Variants in TIAM1 observed in about 807,000 individuals in gnomAD.
TIAM1 encodes TIAM Rac1 associated GEF 1, also known as rho guanine nucleotide exchange factor TIAM1.
In TIAM1, 65 loss-of-function variants were observed where a neutral mutation model predicts 163.5. The ratio of observed to expected loss-of-function variants is 0.40; its 90% CI spans 0.33 to 0.49. The LOEUF (loss-of-function observed/expected upper bound fraction) is 0.49, where lower values mean the gene tolerates loss of function less well. TIAM1 is among the 20% of genes least tolerant of loss of function. The probability of loss-of-function intolerance (pLI) is 0.77; values close to 1 mark genes in which losing one functional copy is unlikely to be tolerated. For missense variants in TIAM1, 1,789 were observed against 2,044.7 expected (o/e 0.87, Z 2.41); for synonymous variants, 833 against 810.1 (o/e 1.03, Z -0.48).
rs1569033606 is a variant in TIAM1 at position 31,210,706 on chromosome 21, AG to A, written c.2218-492del. On this transcript the variant is annotated intron_variant, in intron 10 of 27. Coordinates refer to ENST00000541036, the MANE Select transcript of TIAM1 (RefSeq NM_001353694.2). ...AAGAAAAAGAAAGAAAGAAAGAAAG[AG>A]AAAGAAAGAGAAAGAAAGAAAGAGA... 9.9e-4 allele frequency among the ~76,000 whole-genome samples: 112 copies of A among 113,246 alleles called. 12 individuals are homozygous for A. The highest frequency in any genetic ancestry group is 6.5e-3 in the African/African-American group (104 of 16,036). The allele number at this position is 113,246 out of a possible 152,430, so 74.3% of individuals were successfully genotyped here.
chr21:31,281,618 C>A (rs932557598), intron 2 of TIAM1, among the ~76,000 whole-genome samples: 2 of 151,994 alleles, frequency 1.3e-5, no homozygotes, highest in African/African-American at 4.8e-5. Flanking sequence ...ATACTTAGAC[C>A]CCAAATCAGT....
intron 2 of TIAM1, among the ~76,000 whole-genome samples, chr21:31,311,261 T>C (rs2074919988): frequency 6.6e-6 from 1 of 152,156 alleles, no homozygotes; most frequent in African/African-American, 2.4e-5. Flanking sequence ...CAGGAGGGCC[T>C]GGATTGGGCT....
At chr21:31,172,192 A>C (rs1163863674) in intron 15 of TIAM1, among the ~76,000 whole-genome samples, 3 of 152,208 alleles carry the variant, frequency 2.0e-5, no homozygotes, top group African/African-American at 7.2e-5. Flanking sequence ...CCAGCATGGC[A>C]GGAAGAGGGA....
At chr21:31,507,507 A>C (rs1040712649) in intron 1 of TIAM1, among the ~76,000 whole-genome samples, 1 of 151,990 alleles carries the variant, frequency 6.6e-6, no homozygotes. Context: ...AAAAGGGACC[A>C]TGTCTGGTCC....
intron 2 of TIAM1, among the ~76,000 whole-genome samples, chr21:31,461,266 T>C (rs1378453857): frequency 6.6e-6 from 1 of 152,066 alleles, no homozygotes; most frequent in African/African-American, 2.4e-5. Flanking sequence ...GGCAGATCAC[T>C]GGAGGTCAGG....
intron 12 of TIAM1, among the ~76,000 whole-genome samples, chr21:31,202,489 C>T (rs1288709288): frequency 2.0e-5 from 3 of 152,066 alleles, no homozygotes; most frequent in Admixed American, 6.5e-5. Context: ...CCACTTAAGC[C>T]CAGTAGTTCA....
chr21:31,179,334 C>T (rs2084908165), intron 15 of TIAM1, among the ~76,000 whole-genome samples: 1 of 151,706 alleles, frequency 6.6e-6, no homozygotes. Flanking sequence ...TTGCAGTGAG[C>T]CAAGATGGCG....
chr21:31,371,963 C>T (rs750657810), intron 2 of TIAM1, among the ~76,000 whole-genome samples: 13 of 152,144 alleles, frequency 8.5e-5, no homozygotes, highest in Non-Finnish European at 1.5e-4. Context: ...AGTGAACTCA[C>T]CCAGTTAACA....
intron 13 of TIAM1, among the ~76,000 whole-genome samples, chr21:31,191,135 T>G (rs369864811): frequency 6.6e-6 from 1 of 152,082 alleles, no homozygotes; most frequent in East Asian, 1.9e-4. Flanking sequence ...TTAACTGAGC[T>G]TATTAGCCAT....
At chr21:31,193,505 T>G (rs1170617239) in intron 13 of TIAM1, among the ~76,000 whole-genome samples, 1 of 152,170 alleles carries the variant, frequency 6.6e-6, no homozygotes, top group Non-Finnish European at 1.5e-5. Context: ...GCAGGAGTTA[T>G]CCTCATTCTA....
chr21:31,528,719 T>C (rs1419770184), intron 1 of TIAM1, among the ~76,000 whole-genome samples: 1 of 150,258 alleles, frequency 6.7e-6, no homozygotes, highest in Non-Finnish European at 1.5e-5. Context: ...GCAGGAGAAT[T>C]GCTTGAACCC....
intron 2 of TIAM1, among the ~76,000 whole-genome samples, chr21:31,317,774 T>G (rs1199845082): frequency 1.3e-5 from 2 of 152,056 alleles, no homozygotes; most frequent in East Asian, 3.9e-4. Context: ...AGTGAGACTC[T>G]GCCTCAAAAA....
chr21:31,189,668 G>T (rs1482206911), intron 13 of TIAM1, among the ~76,000 whole-genome samples: 2 of 151,990 alleles, frequency 1.3e-5, no homozygotes, highest in Non-Finnish European at 2.9e-5. Flanking sequence ...GGTCAAACAG[G>T]AGCCCCTTTC....
chr21:31,374,418 C>T (rs1192445102), intron 2 of TIAM1, among the ~76,000 whole-genome samples: 3 of 152,302 alleles, frequency 2.0e-5, no homozygotes, highest in Middle Eastern at 3.4e-3. Flanking sequence ...CCTACATATA[C>T]GGAATATTCT....
At chr21:31,304,287 T>C (rs2074612697) in intron 2 of TIAM1, among the ~76,000 whole-genome samples, 1 of 152,150 alleles carries the variant, frequency 6.6e-6, no homozygotes, top group African/African-American at 2.4e-5. Context: ...AAATAATGTG[T>C]AGCTAGAGGG....
chr21:31,187,126 C>A (rs927474895), intron 13 of TIAM1, 39 bp from the exon 14 acceptor site: 1 of 1,586,676 alleles, frequency 6.3e-7, no homozygotes, highest in Non-Finnish European at 8.7e-7. Context: ...GGGCTCACAC[C>A]TTCTGAATGT....
chr21:31,433,649 C>T (rs1281687029), intron 2 of TIAM1, among the ~76,000 whole-genome samples: 1 of 152,162 alleles, frequency 6.6e-6, no homozygotes, highest in Non-Finnish European at 1.5e-5. Flanking sequence ...TTTTAATTAT[C>T]CTTTAAGATG....
At chr21:31,450,158 C>A (rs1375715534) in intron 2 of TIAM1, among the ~76,000 whole-genome samples, 1 of 152,156 alleles carries the variant, frequency 6.6e-6, no homozygotes. Context: ...AGGCAGGATG[C>A]AATTTCCCTT....
At chr21:31,362,520 G>A (rs1156519862) in intron 2 of TIAM1, among the ~76,000 whole-genome samples, 1 of 151,386 alleles carries the variant, frequency 6.6e-6, no homozygotes, top group Admixed American at 6.6e-5. Context: ...AGGCTGGAGG[G>A]CAGTGGTGCA....
Sources: allele counts gnomAD v4.1 joint callset (sites outside exome capture counted in the v4.1 genomes callset), GRCh38; gene constraint gnomAD v4.1.1; transcripts MANE v1.5; gene names NCBI Gene and HGNC (gene_info 2026-07-23, HGNC 2026-07-21).